UMODL1: variants seen among roughly 807,000 people sequenced by gnomAD.
The protein encoded by UMODL1 is uromodulin like 1, also known as uromodulin-like 1.
A neutral mutation model predicts 136.3 loss-of-function variants in UMODL1; 128 were observed. That is an observed-to-expected ratio of 0.94 (90% CI 0.81 to 1.09). UMODL1 has a LOEUF of 1.09. Among genes scored for constraint, UMODL1 ranks in the 50% least tolerant of loss-of-function variants. The pLI, the probability that UMODL1 is intolerant of heterozygous loss-of-function variation, is 0.00. For synonymous variants in UMODL1, 721 were observed against 720.0 expected (o/e 1.00, Z -0.02); for missense variants, 1,766 against 1,725.6 (o/e 1.02, Z -0.41).
chr21:42,126,831 GA>G (rs1455565853), intron 18 of UMODL1, among the ~76,000 whole-genome samples, 174 bp from the exon 19 acceptor site: 1 of 152,082 alleles, frequency 6.6e-6, no homozygotes, highest in African/African-American at 2.4e-5. Context: ...GCAACCCCTG[GA>G]CCAGCCAGCC....
intron 21 of UMODL1, 56 bp from the exon 22 acceptor site, chr21:42,137,382 CT>C: frequency 6.3e-7 from 1 of 1,594,200 alleles, no homozygotes; most frequent in African/African-American, 1.3e-5. Flanking sequence ...AGGGCTTGCT[CT>C]ATCGCATTCC....
Position 42,119,215 on chromosome 21 carries a change from C to T in UMODL1, c.2580C>T (p.His860=), listed in dbSNP as rs1319095702. ...ACGGCAGCATCGTGGTGGAGTTTCACTTGCTGATAATCGCAGATGTGGATG... is the reference window on the plus strand; with the variant it reads ...ACGGCAGCATCGTGGTGGAGTTTCATTTGCTGATAATCGCAGATGTGGATG... ...VTNGSIVVEF[H]LLIIADVDVQ... is the part of the protein sequence containing the mutation. Residue 860 remains histidine, a synonymous_variant, in exon 15 of 23, where the codon CAC becomes CAT. Coordinates refer to ENST00000408910, the MANE Select transcript of UMODL1 (RefSeq NM_001004416.3). The T allele has an allele frequency of 6.2e-7, 1 of 1,614,230 alleles. No individual in the cohort carries two copies. Among genetic ancestry groups the T allele is most frequent in the East Asian group, 2.2e-5 (1 of 44,886 alleles).
intron 1 of UMODL1, among the ~76,000 whole-genome samples, chr21:42,064,131 G>GCGTTCTCC (rs938871017): frequency 2.3e-4 from 35 of 152,136 alleles, no homozygotes; most frequent in Non-Finnish European, 4.0e-4. Flanking sequence ...CAGATCCCTG[G>GCGTTCTCC]CGTTCTCCGT....
At chr21:42,075,932 C>T (rs2066285160) in intron 1 of UMODL1, 73 bp from the exon 2 acceptor site, 3 of 1,582,082 alleles carry the variant, frequency 1.9e-6, no homozygotes, top group East Asian at 4.5e-5. Flanking sequence ...TGCAGAGGGA[C>T]GCCTTGCGGA....
intron 2 of UMODL1, among the ~76,000 whole-genome samples, chr21:42,081,223 C>A (rs1160594726): frequency 1.3e-5 from 2 of 152,180 alleles, no homozygotes; most frequent in Admixed American, 6.5e-5. Flanking sequence ...TTGGTGAGAA[C>A]CTCCTGTCCC....
chr21:42,113,578 GTCTCCATT>G lies in UMODL1; in HGVS notation c.2111_2118del (p.Val704GlyfsTer62). 1 of 1,610,516 alleles carries G rather than the reference GTCTCCATT, an allele frequency of 6.2e-7. No homozygotes were observed. On this transcript the variant is annotated frameshift_variant, in exon 13 of 23. Coordinates refer to ENST00000408910, the MANE Select transcript of UMODL1 (RefSeq NM_001004416.3). LOFTEE classifies it high-confidence loss of function. ...GTTTATATTCCACTTCCCAGTTCCT[GTCTCCATT>G]GGGAGGATCATGGTCTCCAATGTGA...
intron 22 of UMODL1, among the ~76,000 whole-genome samples, chr21:42,140,195 T>C (rs1328157098): frequency 6.6e-6 from 1 of 152,034 alleles, no homozygotes. Flanking sequence ...GAAGAGGGGG[T>C]GGGCTGATGT....
At position 42,084,257 on chromosome 21, in the gene UMODL1, C is replaced by A. The variant is rs771406830; in HGVS notation, c.481+12C>A. ...CCCTGCACCCCAAGGTAGGCTGCTGCGGGCCATGCTTATGGACAGGCAGCA... is the reference window on the plus strand; with the variant it reads ...CCCTGCACCCCAAGGTAGGCTGCTGAGGGCCATGCTTATGGACAGGCAGCA... On this transcript the variant is annotated intron_variant, in intron 3 of 22. Transcript: ENST00000408910. The A allele has an allele frequency of 6.2e-7, 1 of 1,611,366 alleles. No individual in the cohort carries two copies. Among genetic ancestry groups the A allele is most frequent in the East Asian group, 2.2e-5 (1 of 44,774 alleles).
At chr21:42,095,053 G>A (rs1461206379) in intron 6 of UMODL1, among the ~76,000 whole-genome samples, 1 of 145,694 alleles carries the variant, frequency 6.9e-6, no homozygotes, top group Admixed American at 7.1e-5. Context: ...GCATTCCTTG[G>A]CTTGTGGCTG....
chr21:42,089,190 T>C lies in UMODL1; in HGVS notation c.790+710T>C, dbSNP rs545317631. Among the ~76,000 whole-genome samples, 51 of 152,190 alleles carry C rather than the reference T, an allele frequency of 3.4e-4. 1 individual carries two copies. Among genetic ancestry groups the C allele is most frequent in the Non-Finnish European group, 6.5e-4 (44 of 68,026 alleles). On this transcript the variant is annotated intron_variant, in intron 5 of 22. Transcript: ENST00000408910. Reference sequence around the variant, plus strand: ...ACCCCTGGGCTCCCGTACGGCTTCCTGTACCCAAGCAGGAGGCAGCCAGGC... The same window carrying C: ...ACCCCTGGGCTCCCGTACGGCTTCCCGTACCCAAGCAGGAGGCAGCCAGGC...
rs796207092 is a variant in UMODL1 at position 42,126,951 on chromosome 21, G to A, written c.3294-55G>A. 5.7e-6 allele frequency: 8 copies of A among 1,408,696 alleles called. No homozygotes were observed. The African/African-American group carries it at 9.9e-5, about 17-fold the overall frequency. The allele number at this position is 1,408,696 out of a possible 1,614,324, so 87.3% of individuals were successfully genotyped here. ...TAGGGGAGAAGTGGGAATGGGAGGG[G>A]CCACGATAATGCGCCTCCTGAAACA... On this transcript the variant is annotated intron_variant, in intron 18 of 22. Transcript: ENST00000408910.
At position 42,109,550 on chromosome 21, in the gene UMODL1, TC is replaced by T. The variant is rs1973746222; in HGVS notation, c.1520-7del. The stretch of plus-strand genomic sequence containing the variant: ...TTTTCTCATGGGTTTTGATTGTGTC[TC>T]CCCCTGGCAGACTGGGACGAGTGTG... On this transcript the variant is annotated splice_polypyrimidine_tract_variant and intron_variant, in intron 9 of 22. Transcript: ENST00000408910. 1.9e-6 allele frequency: 3 copies of T among 1,609,354 alleles called. No individual in the cohort carries two copies. The highest frequency in any genetic ancestry group is 1.3e-5 in the African/African-American group (1 of 74,882).
intron 2 of UMODL1, among the ~76,000 whole-genome samples, chr21:42,078,011 G>T (rs1398910001): frequency 6.6e-6 from 1 of 152,216 alleles, no homozygotes; most frequent in Non-Finnish European, 1.5e-5. Context: ...ATGCGTTTCT[G>T]TTGCCCCGTT....
chr21:42,125,860 GAGA>G (rs1366901446), intron 17 of UMODL1, among the ~76,000 whole-genome samples: 2 of 152,224 alleles, frequency 1.3e-5, no homozygotes, highest in Non-Finnish European at 2.9e-5. Context: ...AGCTCCAGTG[GAGA>G]GACAGCGCCT....
rs1159089228 is a variant in UMODL1 at position 42,123,161 on chromosome 21, G to A, written c.3147+11G>A. ...ACCCTCATGCAGAGCGTAAGACCAGGAGAGCCAGGCTCAGGATGTACACTA... is the reference window on the plus strand; with the variant it reads ...ACCCTCATGCAGAGCGTAAGACCAGAAGAGCCAGGCTCAGGATGTACACTA... On this transcript the variant is annotated intron_variant, in intron 17 of 22. Transcript: ENST00000408910. This position sits in a 1 kb window ranked among gnomAD's most constrained non-coding sequence, Gnocchi z 4.4. 2 of 1,603,442 alleles carry A rather than the reference G, an allele frequency of 1.2e-6. No individual in the cohort carries two copies. Among genetic ancestry groups the A allele is most frequent in the Non-Finnish European group, 1.7e-6 (2 of 1,172,802 alleles).
chr21:42,093,988 C>T (rs1219630306), intron 6 of UMODL1: 1 of 456,142 alleles, frequency 2.2e-6, no homozygotes, highest in Non-Finnish European at 4.4e-6. Context: ...GGGTGAGAAT[C>T]CTGTCCCTTT....
rs138728872 is a variant in UMODL1 at position 42,123,004 on chromosome 21, G to GCCAT, written c.3005_3008dup (p.Gln1003HisfsTer85). 1.1e-3 allele frequency: 1,770 copies of GCCAT among 1,614,010 alleles called. 33 individuals carry two copies. The East Asian group carries it at 0.037, about 34-fold the overall frequency. On this transcript the variant is annotated frameshift_variant, in exon 17 of 23. Transcript: ENST00000408910. LOFTEE classifies it high-confidence loss of function. This position sits in a 1 kb window ranked among gnomAD's most constrained non-coding sequence, Gnocchi z 4.4. ...CTGTGAGATCGAGAAGGTGGTTGTC[G>GCCAT]CCATCCAGAAGCGCTTCCTGCAGCA...
intron 13 of UMODL1, 104 bp from the exon 14 acceptor site, chr21:42,115,769 G>A: frequency 1.1e-6 from 1 of 919,964 alleles, no homozygotes; most frequent in Non-Finnish European, 1.7e-6. Context: ...TGGCTTTGGT[G>A]TGATGCTCTT....
In UMODL1 at chr21:42,093,900, C is replaced by T. The variant is rs758893101; in HGVS notation, c.931+3462C>T. ...TGGCCTTGAGATCCACTTAGAACTT[C>T]GCGCCACGTCCACATCCCACGGCAC... On this transcript the variant is annotated intron_variant, in intron 6 of 22. Coordinates refer to ENST00000408910, the MANE Select transcript of UMODL1 (RefSeq NM_001004416.3). 9.2e-5 allele frequency: 42 copies of T among 456,748 alleles called. No homozygotes were observed. The Middle Eastern group carries it at 2.0e-3, about 21-fold the overall frequency. The allele number at this position is 456,748 out of a possible 1,614,324, so 28.3% of individuals were successfully genotyped here.
Sources: gnomAD v4.1 joint callset for allele counts (sites outside exome capture counted in the v4.1 genomes callset) on GRCh38, gnomAD v4.1.1 for gene constraint, Gnocchi (gnomAD v3.1) non-coding constraint, MANE v1.5 for transcripts, NCBI Gene and HGNC (gene_info 2026-07-23, HGNC 2026-07-21) for gene names.